ZCCHC4: variants seen among roughly 807,000 people sequenced by gnomAD.
ZCCHC4 encodes the protein zinc finger CCHC-type containing 4.
In ZCCHC4, 54 loss-of-function variants were observed where a neutral mutation model predicts 67.7. That is an observed-to-expected ratio of 0.80 (90% CI 0.64 to 1.00). ZCCHC4 has a LOEUF of 1.00. Among genes scored for constraint, ZCCHC4 ranks in the 50% least tolerant of loss-of-function variants. The pLI is 0.00. For missense variants in ZCCHC4, 609 were observed against 617.0 expected (o/e 0.99, Z 0.14); for synonymous variants, 198 against 213.5 (o/e 0.93, Z 0.63).
chr4:25,340,131 G>A lies in ZCCHC4; in HGVS notation c.687-5417G>A, dbSNP rs533089816. Among the ~76,000 whole-genome samples the A allele has an allele frequency of 2.0e-3, 299 of 152,254 alleles. 1 individual carries two copies. Among genetic ancestry groups the A allele is most frequent in the African/African-American group, 6.9e-3 (288 of 41,546 alleles). On this transcript the variant is annotated intron_variant, in intron 5 of 12. Coordinates refer to ENST00000302874, the MANE Select transcript of ZCCHC4 (RefSeq NM_024936.3). ...GATCCACCCGCCTCGGCCTCCCAAA[G>A]TGCTGGGATTAAAGGCATGAGCCAC...
chr4:25,337,741 G>T (rs574912479), intron 5 of ZCCHC4, among the ~76,000 whole-genome samples: 1 of 152,138 alleles, frequency 6.6e-6, no homozygotes, highest in Non-Finnish European at 1.5e-5. Context: ...CCTAACTTTG[G>T]CACTTTTACT....
At chr4:25,320,543 G>A (rs1398843772) in intron 3 of ZCCHC4, among the ~76,000 whole-genome samples, 1 of 152,208 alleles carries the variant, frequency 6.6e-6, no homozygotes, top group Non-Finnish European at 1.5e-5. Flanking sequence ...GCAGCAGAAT[G>A]AATTTCTCTC....
At chr4:25,338,736 T>C (rs771210500) in intron 5 of ZCCHC4, among the ~76,000 whole-genome samples, 1 of 152,244 alleles carries the variant, frequency 6.6e-6, no homozygotes, top group Non-Finnish European at 1.5e-5. Context: ...AGTACTTCAT[T>C]CCTTTTTTTG....
intron 8 of ZCCHC4, among the ~76,000 whole-genome samples, chr4:25,357,626 T>C (rs1444546314): frequency 6.6e-6 from 1 of 152,230 alleles, no homozygotes; most frequent in Middle Eastern, 3.2e-3. Flanking sequence ...TCCCTTGTCC[T>C]CAATTTCTTA....
intron 8 of ZCCHC4, 31 bp downstream of exon 8, chr4:25,351,720 T>C (rs1470039180): frequency 5.2e-6 from 8 of 1,532,346 alleles, no homozygotes; most frequent in East Asian, 2.3e-5. Flanking sequence ...TCTGGCATGG[T>C]TGGGGAATGG....
At chr4:25,317,759 T>C (rs946675667) in intron 3 of ZCCHC4, among the ~76,000 whole-genome samples, 3 of 144,684 alleles carry the variant, frequency 2.1e-5, no homozygotes, top group African/African-American at 5.0e-5. Flanking sequence ...TACTGTGAGG[T>C]AGGCACTGTG....
chr4:25,354,599 G>A (rs1720437849), intron 8 of ZCCHC4, among the ~76,000 whole-genome samples: 1 of 151,952 alleles, frequency 6.6e-6, no homozygotes, highest in Non-Finnish European at 1.5e-5. Context: ...AAATTTCTCT[G>A]GACCTATTAT....
In ZCCHC4 at chr4:25,369,782, C is replaced by A. The variant is rs1203762329; in HGVS notation, c.*618C>A. 6.6e-6 allele frequency: 1 copy of A among 152,196 alleles called. No individual in the cohort carries two copies. Among genetic ancestry groups the A allele is most frequent in the Non-Finnish European group, 1.5e-5 (1 of 68,036 alleles). 9.4% of individuals were successfully genotyped at this position (152,196 alleles called of 1,614,324 possible). A position where few individuals can be genotyped will look rare whatever the true frequency, so the allele number is the denominator to read the frequency against. On this transcript the variant is annotated 3_prime_UTR_variant, in exon 13 of 13. Coordinates refer to ENST00000302874, the MANE Select transcript of ZCCHC4 (RefSeq NM_024936.3). ...TTATCCAAAAAATGGGCAGACCATT[C>A]TTTTGCAGAAGATGTCAGAAGAAAA...
intron 12 of ZCCHC4, chr4:25,366,016 A>ATT: frequency 2.0e-6 from 2 of 981,622 alleles, no homozygotes; most frequent in Non-Finnish European, 1.2e-6. Flanking sequence ...ATTATATGAA[A>ATT]ATTCAGATTG....
intron 12 of ZCCHC4, chr4:25,365,851 A>G (rs1376104443): frequency 1.0e-6 from 1 of 985,236 alleles, no homozygotes; most frequent in Non-Finnish European, 1.2e-6. Flanking sequence ...TGCTATTTTA[A>G]CCGAGCTAAT....
intron 3 of ZCCHC4, among the ~76,000 whole-genome samples, chr4:25,328,459 C>T (rs972200741): frequency 5.3e-5 from 8 of 152,278 alleles, no homozygotes; most frequent in East Asian, 1.9e-4. Flanking sequence ...AGGCTGGTCT[C>T]GAACTCCTGA....
At chr4:25,362,344 A>G in intron 10 of ZCCHC4, 43 bp downstream of exon 10, 3 of 1,334,812 alleles carry the variant, frequency 2.2e-6, no homozygotes, top group Non-Finnish European at 2.0e-6. Flanking sequence ...AGATATATTC[A>G]TTTTATTTTA....
chr4:25,316,952 C>T (rs1347841612), intron 3 of ZCCHC4, among the ~76,000 whole-genome samples: 1 of 152,154 alleles, frequency 6.6e-6, no homozygotes, highest in East Asian at 1.9e-4. Context: ...TTAAAAATCT[C>T]TAAACATCTA....
intron 3 of ZCCHC4, among the ~76,000 whole-genome samples, chr4:25,324,654 G>T: frequency 6.6e-6 from 1 of 152,214 alleles, no homozygotes; most frequent in Admixed American, 6.5e-5. Flanking sequence ...TGGCTGCACC[G>T]TTTTACATTC....
At chr4:25,321,300 AGGAGT>A (rs2109051645) in intron 3 of ZCCHC4, among the ~76,000 whole-genome samples, 1 of 151,262 alleles carries the variant, frequency 6.6e-6, no homozygotes, top group Admixed American at 6.6e-5. Context: ...TTGCCCAGGC[AGGAGT>A]GCAGTGGTGC....
At position 25,370,085 on chromosome 4, in the gene ZCCHC4, T is replaced by C. The variant is rs1721088957; in HGVS notation, c.*921T>C. On this transcript the variant is annotated 3_prime_UTR_variant, in exon 13 of 13. Transcript: ENST00000302874. ...CTCTGACGGTCTAGAATCACTTAAATGCTTGTTGAATGAGTGAGATGTTTA... is the reference window on the plus strand; with the variant it reads ...CTCTGACGGTCTAGAATCACTTAAACGCTTGTTGAATGAGTGAGATGTTTA... The C allele has an allele frequency of 1.3e-5, 2 of 152,228 alleles. No individual in the cohort carries two copies. Among genetic ancestry groups the C allele is most frequent in the African/African-American group, 2.4e-5 (1 of 41,460 alleles). 9.4% of individuals were successfully genotyped at this position (152,228 alleles called of 1,614,324 possible).
intron 5 of ZCCHC4, among the ~76,000 whole-genome samples, chr4:25,342,286 G>C (rs1248415658): frequency 6.6e-6 from 1 of 152,138 alleles, no homozygotes; most frequent in Non-Finnish European, 1.5e-5. Context: ...ATTCTGCATA[G>C]TATAGAGTGA....
intron 10 of ZCCHC4, among the ~76,000 whole-genome samples, chr4:25,362,932 G>A (rs1448887084): frequency 1.3e-5 from 2 of 152,012 alleles, no homozygotes; most frequent in Non-Finnish European, 2.9e-5. Context: ...CCCCTGCCCC[G>A]ACACATGCAC....
chr4:25,334,753 T>G (rs1719365706), intron 5 of ZCCHC4, among the ~76,000 whole-genome samples: 1 of 152,226 alleles, frequency 6.6e-6, no homozygotes, highest in Non-Finnish European at 1.5e-5. Flanking sequence ...TCTTAGTATT[T>G]TTAATGTGTT....
Sources: allele counts gnomAD v4.1 joint callset (sites outside exome capture counted in the v4.1 genomes callset), GRCh38; gene constraint gnomAD v4.1.1; transcripts MANE v1.5; gene names NCBI Gene and HGNC (gene_info 2026-07-23, HGNC 2026-07-21).